The following RALGPS1 variants were observed in gnomAD, a reference collection of about 807,000 sequenced individuals.
The protein encoded by RALGPS1 is Ral GEF with PH domain and SH3 binding motif 1.
RALGPS1 carries 19 observed loss-of-function variants against 78.8 expected under a neutral mutation model. That is an observed-to-expected ratio of 0.24 (90% CI 0.17 to 0.35). The LOEUF is 0.35. Ranked by LOEUF, RALGPS1 falls within the 10% of genes least tolerant of loss-of-function variation. The probability of loss-of-function intolerance (pLI) is 1.00; values close to 1 mark genes in which losing one functional copy is unlikely to be tolerated. For missense variants in RALGPS1, 454 were observed against 688.3 expected (o/e 0.66, Z 3.81); for synonymous variants, 228 against 256.3 (o/e 0.89, Z 1.06).
intron 8 of RALGPS1, among the ~76,000 whole-genome samples, chr9:127,077,270 T>C (rs1456743028): frequency 6.6e-6 from 1 of 152,178 alleles, no homozygotes; most frequent in Non-Finnish European, 1.5e-5. Context: ...TGAGTCACTG[T>C]ATTTCAGAAA....
chr9:127,075,931 A>G (rs566031948), intron 8 of RALGPS1, among the ~76,000 whole-genome samples: 1 of 152,336 alleles, frequency 6.6e-6, no homozygotes, highest in African/African-American at 2.4e-5. Context: ...CATGGGTGTG[A>G]TTCTGACTCC....
chr9:126,932,533 G>A (rs1325393173), intron 1 of RALGPS1, among the ~76,000 whole-genome samples: 1 of 152,098 alleles, frequency 6.6e-6, no homozygotes, highest in Non-Finnish European at 1.5e-5. Context: ...GATAATACAC[G>A]TGGTACACTC....
chr9:126,932,992 CTTG>C (rs1358185109), intron 1 of RALGPS1, among the ~76,000 whole-genome samples: 1 of 151,922 alleles, frequency 6.6e-6, no homozygotes, highest in African/African-American at 2.4e-5. Context: ...GGTTGCTTTC[CTTG>C]TTGTAGGATC....
chr9:126,989,900 G>A (rs1383946526), intron 4 of RALGPS1: 1 of 1,550,420 alleles, frequency 6.4e-7, no homozygotes, highest in Non-Finnish European at 8.7e-7. Flanking sequence ...CAGAAAGGCT[G>A]GCCTGCCAGA....
At chr9:127,130,679 A>G (rs1311070244) in intron 8 of RALGPS1, among the ~76,000 whole-genome samples, 2 of 152,256 alleles carry the variant, frequency 1.3e-5, no homozygotes, top group Non-Finnish European at 2.9e-5. Flanking sequence ...ATATTCACTG[A>G]GCACTTATTG....
At chr9:127,012,782 T>C (rs1467130021) in intron 4 of RALGPS1, among the ~76,000 whole-genome samples, 1 of 152,218 alleles carries the variant, frequency 6.6e-6, no homozygotes, top group Non-Finnish European at 1.5e-5. Context: ...TGGGGCTGGC[T>C]TAGGCATTCC....
At chr9:127,046,900 C>G (rs1050043647) in intron 5 of RALGPS1, among the ~76,000 whole-genome samples, 2 of 149,680 alleles carry the variant, frequency 1.3e-5, no homozygotes, top group Non-Finnish European at 3.0e-5. Context: ...TGAAAAAAAG[C>G]AAAACAAACA....
At chr9:127,119,056 C>T (rs915555310) in intron 8 of RALGPS1, among the ~76,000 whole-genome samples, 3 of 152,110 alleles carry the variant, frequency 2.0e-5, no homozygotes, top group Non-Finnish European at 1.5e-5. Flanking sequence ...TGAGGCTCTG[C>T]CCCCACTGAG....
chr9:127,143,942 C>T (rs1302864331), intron 8 of RALGPS1, among the ~76,000 whole-genome samples: 1 of 152,180 alleles, frequency 6.6e-6, no homozygotes, highest in Non-Finnish European at 1.5e-5. Context: ...CTTCCGGGCA[C>T]CTGGGGAGTT....
chr9:126,991,067 C>G (rs2042240655), intron 4 of RALGPS1, among the ~76,000 whole-genome samples: 1 of 152,178 alleles, frequency 6.6e-6, no homozygotes. Flanking sequence ...CTCATTAGAG[C>G]TATCGTTACT....
chr9:127,175,135 C>G (rs2059786866), intron 11 of RALGPS1, among the ~76,000 whole-genome samples: 1 of 152,254 alleles, frequency 6.6e-6, no homozygotes, highest in Non-Finnish European at 1.5e-5. Context: ...GCTGCCCAGG[C>G]TTGGGTTTAT....
chr9:126,978,660 T>G (rs2040923733), intron 4 of RALGPS1, among the ~76,000 whole-genome samples: 1 of 151,350 alleles, frequency 6.6e-6, no homozygotes, highest in Admixed American at 6.6e-5. Flanking sequence ...ATTACAAGGA[T>G]AAAGGGACAC....
Position 127,220,102 on chromosome 9 carries a change from C to G in RALGPS1, c.*1333C>G, listed in dbSNP as rs1465209147. On this transcript the variant is annotated 3_prime_UTR_variant, in exon 19 of 19. Coordinates refer to ENST00000259351, the MANE Select transcript of RALGPS1 (RefSeq NM_014636.3). The stretch of plus-strand genomic sequence containing the variant: ...TTTTTATTCAGAATAATAAATCACT[C>G]TTTATCATAGTATCTTCTCTTCCCT... 1 of 152,604 alleles carries G rather than the reference C, an allele frequency of 6.6e-6. No homozygotes were observed. The highest frequency in any genetic ancestry group is 1.5e-5 in the Non-Finnish European group (1 of 68,044). The allele number at this position is 152,604 out of a possible 1,614,324, so 9.5% of individuals were successfully genotyped here.
intron 1 of RALGPS1, among the ~76,000 whole-genome samples, chr9:126,932,350 T>C (rs968701555): frequency 3.3e-4 from 50 of 152,226 alleles, no homozygotes; most frequent in Admixed American, 2.1e-3. Flanking sequence ...GCTGAACATA[T>C]ACATACCTTA....
At chr9:127,179,811 C>G (rs1299737586) in intron 11 of RALGPS1, among the ~76,000 whole-genome samples, 1 of 152,326 alleles carries the variant, frequency 6.6e-6, no homozygotes, top group East Asian at 1.9e-4. Context: ...GCGCCCACGC[C>G]TCTACCCCTC....
chr9:126,915,957 A>G (rs1588417894), intron 1 of RALGPS1, among the ~76,000 whole-genome samples: 1 of 152,310 alleles, frequency 6.6e-6, no homozygotes, highest in South Asian at 2.1e-4. Flanking sequence ...TGGGGAGAGC[A>G]GGGATGAGAA....
chr9:126,983,013 T>A (rs185012668), intron 4 of RALGPS1, among the ~76,000 whole-genome samples: 116 of 136,662 alleles, frequency 8.5e-4, no homozygotes, highest in Non-Finnish European at 1.5e-3. Context: ...CTCGGCTCAC[T>A]GAAATCTCTG....
intron 1 of RALGPS1, among the ~76,000 whole-genome samples, chr9:126,916,717 G>A (rs2034203821): frequency 6.6e-6 from 1 of 152,150 alleles, no homozygotes; most frequent in Non-Finnish European, 1.5e-5. Context: ...GGAGGCGGAG[G>A]TTGCAGTGAG....
rs562019027 is a variant in RALGPS1 at position 126,940,744 on chromosome 9, C to T, written c.-65-21481C>T. ...AAGTGCATCTTGTCTCTTGCTTTCT[C>T]GGCATGGTTGTATGAAATTGAGTAG... On this transcript the variant is annotated intron_variant, in intron 1 of 18. Coordinates refer to ENST00000259351, the MANE Select transcript of RALGPS1 (RefSeq NM_014636.3). 1.0e-3 allele frequency among the ~76,000 whole-genome samples: 154 copies of T among 151,412 alleles called. 3 individuals are homozygous for T. The South Asian group carries it at 0.011, about 11-fold the overall frequency.
Sources: allele counts gnomAD v4.1 joint callset (sites outside exome capture counted in the v4.1 genomes callset), GRCh38; gene constraint gnomAD v4.1.1; transcripts MANE v1.5; gene names NCBI Gene and HGNC (gene_info 2026-07-23, HGNC 2026-07-21).